The following STXBP4 variants were observed in gnomAD, a reference collection of about 807,000 sequenced individuals.
STXBP4 encodes syntaxin-binding protein 4.
Under a neutral mutation model 76.1 loss-of-function variants are expected in STXBP4, and 55 were observed. That is an observed-to-expected ratio of 0.72 (90% CI 0.58 to 0.91). The LOEUF is 0.91. Among genes scored for constraint, STXBP4 ranks in the 40% least tolerant of loss-of-function variants. STXBP4 has a pLI of 0.00. For synonymous variants in STXBP4, 201 were observed against 220.2 expected, an observed-to-expected ratio of 0.91 and a Z score of 0.77; for missense variants, 618 against 636.9, an observed-to-expected ratio of 0.97 and a Z score of 0.32.
At chr17:55,081,792 A>G (rs1028949540) in intron 16 of STXBP4, among the ~76,000 whole-genome samples, 2 of 152,162 alleles carry the variant, frequency 1.3e-5, no homozygotes, top group Non-Finnish European at 2.9e-5. Context: ...AAGGAACTAC[A>G]TGAACTGTCA....
intron 12 of STXBP4, among the ~76,000 whole-genome samples, chr17:55,072,665 T>C (rs926164556): frequency 2.0e-5 from 3 of 152,172 alleles, no homozygotes; most frequent in Non-Finnish European, 4.4e-5. Flanking sequence ...AATGTTATGC[T>C]AGGTATATGA....
intron 16 of STXBP4, among the ~76,000 whole-genome samples, chr17:55,096,475 G>A (rs1439823374): frequency 2.6e-5 from 4 of 152,120 alleles, no homozygotes; most frequent in East Asian, 1.9e-4. Flanking sequence ...TCAGGATAAA[G>A]CAATAGATTG....
intron 13 of STXBP4, among the ~76,000 whole-genome samples, chr17:55,074,900 T>C (rs1316196466): frequency 6.6e-6 from 1 of 152,048 alleles, no homozygotes; most frequent in African/African-American, 2.4e-5. Flanking sequence ...GGAAACCTTT[T>C]TTTTTTAATC....
intron 8 of STXBP4, among the ~76,000 whole-genome samples, chr17:55,018,583 A>G (rs2078250285): frequency 6.6e-6 from 1 of 152,258 alleles, no homozygotes; most frequent in Non-Finnish European, 1.5e-5. Context: ...TTTAAGCAAC[A>G]AGGCTGTTTA....
chr17:54,986,705 G>A (rs2077631572), intron 3 of STXBP4, among the ~76,000 whole-genome samples: 1 of 151,960 alleles, frequency 6.6e-6, no homozygotes, highest in Admixed American at 6.6e-5. Flanking sequence ...TTTAAATTTT[G>A]ATTTTTAATA....
At chr17:55,092,869 T>C (rs1436253897) in intron 16 of STXBP4, among the ~76,000 whole-genome samples, 1 of 152,234 alleles carries the variant, frequency 6.6e-6, no homozygotes, top group East Asian at 1.9e-4. Context: ...CTTCTCATTC[T>C]ACTTATTCTG....
At chr17:55,012,006 G>C (rs545214226) in intron 8 of STXBP4, among the ~76,000 whole-genome samples, 1 of 152,282 alleles carries the variant, frequency 6.6e-6, no homozygotes, top group African/African-American at 2.4e-5. Context: ...CTAGCAGGCC[G>C]GTCCAGGGGT....
At chr17:55,137,216 T>A (rs1161523382) in intron 16 of STXBP4, among the ~76,000 whole-genome samples, 1 of 152,004 alleles carries the variant, frequency 6.6e-6, no homozygotes, top group African/African-American at 2.4e-5. Context: ...AATGTTATAT[T>A]CTTTAACAAA....
In STXBP4 at chr17:55,107,516, C is replaced by T. The variant is rs1043249326; in HGVS notation, c.1489+26333C>T. 2.0e-5 allele frequency among the ~76,000 whole-genome samples: 3 copies of T among 152,334 alleles called. No individual in the cohort carries two copies. In the East Asian group the frequency reaches 5.8e-4, roughly 29 times the overall value. ...TTGTGATCCTTTGGAGGATAAGAAG[C>T]ATTCTGGTTTTTGGAATTTTCAGCC... On this transcript the variant is annotated intron_variant, in intron 16 of 17. Coordinates refer to ENST00000376352, the MANE Select transcript of STXBP4 (RefSeq NM_178509.6).
intron 8 of STXBP4, among the ~76,000 whole-genome samples, chr17:55,020,616 G>A (rs1417867518): frequency 1.3e-5 from 2 of 152,078 alleles, no homozygotes; most frequent in African/African-American, 2.4e-5. Context: ...AAAGGAGTTC[G>A]AGACTAGGCT....
At chr17:55,097,366 A>C (rs17817628) in intron 16 of STXBP4, among the ~76,000 whole-genome samples, 1 of 152,102 alleles carries the variant, frequency 6.6e-6, no homozygotes, top group Non-Finnish European at 1.5e-5. Flanking sequence ...ACATTTGTAA[A>C]AAATTGCCTG....
intron 16 of STXBP4, among the ~76,000 whole-genome samples, chr17:55,100,827 G>A (rs902066821): frequency 6.6e-6 from 1 of 152,242 alleles, no homozygotes; most frequent in Non-Finnish European, 1.5e-5. Flanking sequence ...TGACTATATT[G>A]CATGAGATTT....
At chr17:55,051,140 A>G (rs1011864263) in intron 12 of STXBP4, among the ~76,000 whole-genome samples, 1 of 152,194 alleles carries the variant, frequency 6.6e-6, no homozygotes, top group Non-Finnish European at 1.5e-5. Flanking sequence ...TACAGGAAAG[A>G]GTGACACTTC....
chr17:55,187,250 A>G, the STXBP4 span, among the ~76,000 whole-genome samples: 2 of 152,182 alleles, frequency 1.3e-5, no homozygotes, highest in Non-Finnish European at 2.9e-5. Context: ...CAGGATGTCC[A>G]TGTATATGCA....
Position 55,141,302 on chromosome 17 carries a change from C to T in STXBP4, c.1490-8C>T, listed in dbSNP as rs779489278. On this transcript the variant is annotated splice_polypyrimidine_tract_variant and splice_region_variant and intron_variant, in intron 16 of 17. Transcript: ENST00000376352. ...ATTAAATATATTTTTGGTTTCCTTT[C>T]ACTGTAGGTTTACCTTATGGGTGGG... 6.2e-7 allele frequency: 1 copy of T among 1,607,738 alleles called. No individual in the cohort carries two copies. The highest frequency in any genetic ancestry group is 8.5e-7 in the Non-Finnish European group (1 of 1,177,124).
At chr17:55,108,218 A>C (rs1204848773) in intron 16 of STXBP4, among the ~76,000 whole-genome samples, 5 of 152,066 alleles carry the variant, frequency 3.3e-5, no homozygotes, top group Admixed American at 2.6e-4. Context: ...TGAGGGGAAA[A>C]CCACCTACTC....
intron 1 of STXBP4, among the ~76,000 whole-genome samples, chr17:54,980,303 TA>T (rs2077531812): frequency 6.6e-6 from 1 of 152,022 alleles, no homozygotes; most frequent in African/African-American, 2.4e-5. Context: ...GGCATTAAAT[TA>T]ACAATAAAAA....
the STXBP4 span, among the ~76,000 whole-genome samples, chr17:55,185,347 CCTT>C: frequency 5.9e-4 from 86 of 146,368 alleles, no homozygotes; most frequent in African/African-American, 9.7e-4. Flanking sequence ...TCCTCCTCCT[CCTT>C]CTCCTCCTCC....
rs995995982 is a variant in STXBP4 at position 55,043,788 on chromosome 17, T to A, written c.945+463T>A. On this transcript the variant is annotated intron_variant, in intron 11 of 17. Transcript: ENST00000376352. Reference sequence around the variant, plus strand: ...TTTAGAGAGGAAAAAAACACACATATCCCAAATATACTGTAACATTTTTCT... The same window carrying A: ...TTTAGAGAGGAAAAAAACACACATAACCCAAATATACTGTAACATTTTTCT... 3 of 687,306 alleles carry A rather than the reference T, an allele frequency of 4.4e-6. No individual in the cohort carries two copies. The Admixed American group carries it at 9.4e-5, about 21-fold the overall frequency. 42.6% of individuals were successfully genotyped at this position (687,306 alleles called of 1,614,324 possible).
Sources: allele counts gnomAD v4.1 joint callset (sites outside exome capture counted in the v4.1 genomes callset), GRCh38; gene constraint gnomAD v4.1.1; transcripts MANE v1.5; gene names NCBI Gene and HGNC (gene_info 2026-07-23, HGNC 2026-07-21).